The following ADGRB3 variants were observed in gnomAD, a reference collection of about 807,000 sequenced individuals.
ADGRB3 encodes the protein adhesion G protein-coupled receptor B3.
ADGRB3 carries 37 observed loss-of-function variants against 193.4 expected under a neutral mutation model. The ratio of observed to expected loss-of-function variants is 0.19; its 90% CI spans 0.15 to 0.25. ADGRB3 has a LOEUF of 0.25. ADGRB3 is among the 10% of genes least tolerant of loss of function. ADGRB3 has a pLI of 1.00. For synonymous variants in ADGRB3, 690 were observed against 644.2 expected (o/e 1.07, Z -1.08); for missense variants, 1,637 against 1,852.9 (o/e 0.88, Z 2.14).
chr6:68,717,566 G>T (rs927936130), intron 3 of ADGRB3, among the ~76,000 whole-genome samples: 2 of 151,588 alleles, frequency 1.3e-5, no homozygotes, highest in Non-Finnish European at 3.0e-5. Context: ...AAGGCAGTTG[G>T]CTCCAAGAGA....
intron 3 of ADGRB3, among the ~76,000 whole-genome samples, chr6:68,722,841 T>C (rs1029110792): frequency 6.6e-6 from 1 of 151,616 alleles, no homozygotes; most frequent in Non-Finnish European, 1.5e-5. Flanking sequence ...AATTATTATA[T>C]AGGGTAATGT....
chr6:69,322,107 A>G (rs1219601042), intron 20 of ADGRB3, among the ~76,000 whole-genome samples: 1 of 151,778 alleles, frequency 6.6e-6, no homozygotes, highest in Non-Finnish European at 1.5e-5. Flanking sequence ...AACATGCAAT[A>G]TTTGGTTTTC....
intron 17 of ADGRB3, among the ~76,000 whole-genome samples, chr6:69,211,186 A>G (rs1247029190): frequency 1.3e-5 from 2 of 152,180 alleles, no homozygotes; most frequent in African/African-American, 4.8e-5. Context: ...TTCTTAAGAA[A>G]AGGGAGAAAG....
intron 3 of ADGRB3, among the ~76,000 whole-genome samples, chr6:68,864,517 G>T (rs1285472345): frequency 8.6e-6 from 1 of 116,174 alleles, no homozygotes; most frequent in African/African-American, 2.6e-5. Context: ...GACATTCTTG[G>T]ATAGGAAGAG....
At chr6:69,056,945 T>A (rs1771561476) in intron 15 of ADGRB3, among the ~76,000 whole-genome samples, 1 of 152,100 alleles carries the variant, frequency 6.6e-6, no homozygotes, top group Admixed American at 6.5e-5. Context: ...GAATTTTATA[T>A]TTTTTTCCAT....
At chr6:69,260,640 T>C (rs1267058072) in intron 20 of ADGRB3, among the ~76,000 whole-genome samples, 2 of 152,108 alleles carry the variant, frequency 1.3e-5, no homozygotes, top group African/African-American at 4.8e-5. Flanking sequence ...GGGTGGAGTA[T>C]GAAAAGAGTT....
intron 17 of ADGRB3, among the ~76,000 whole-genome samples, chr6:69,123,468 G>A (rs965360105): frequency 6.6e-6 from 1 of 152,114 alleles, no homozygotes; most frequent in East Asian, 1.9e-4. Flanking sequence ...TGTGGATTCT[G>A]GGACTACAAC....
intron 20 of ADGRB3, among the ~76,000 whole-genome samples, chr6:69,284,468 G>A (rs1408782744): frequency 2.0e-5 from 3 of 152,116 alleles, no homozygotes; most frequent in South Asian, 4.2e-4. Context: ...ATTTAAAAGC[G>A]TTGTAAACTG....
At chr6:68,674,874 A>G (rs1412035932) in intron 3 of ADGRB3, among the ~76,000 whole-genome samples, 1 of 152,204 alleles carries the variant, frequency 6.6e-6, no homozygotes, top group Non-Finnish European at 1.5e-5. Context: ...ATGTTTTTCT[A>G]AAACTGTATT....
At chr6:68,796,272 T>A (rs566167103) in intron 3 of ADGRB3, among the ~76,000 whole-genome samples, 2 of 152,286 alleles carry the variant, frequency 1.3e-5, no homozygotes, top group African/African-American at 4.8e-5. Context: ...TCAACATATT[T>A]TTTTATATAC....
chr6:69,368,439 G>A (rs1034229937), intron 29 of ADGRB3, among the ~76,000 whole-genome samples: 1 of 152,098 alleles, frequency 6.6e-6, no homozygotes, highest in African/African-American at 2.4e-5. Flanking sequence ...TGTGGAAAAC[G>A]AGGGACAGAA....
intron 3 of ADGRB3, among the ~76,000 whole-genome samples, chr6:68,670,910 T>C (rs1223447735): frequency 6.6e-6 from 1 of 152,056 alleles, no homozygotes; most frequent in Non-Finnish European, 1.5e-5. Flanking sequence ...TTTTTCAATT[T>C]TTTTGGTGTC....
Position 68,639,448 on chromosome 6 carries a change from AG to A in ADGRB3, c.757+20del, listed in dbSNP as rs776208467. 1 of 1,583,684 alleles carries A rather than the reference AG, an allele frequency of 6.3e-7. No individual in the cohort carries two copies. The highest frequency in any genetic ancestry group is 8.6e-7 in the Non-Finnish European group (1 of 1,165,462). On this transcript the variant is annotated intron_variant, in intron 3 of 31. Transcript: ENST00000370598. ...CCCAAAGAAGGTAAGTGCCAAAGAGAGGGGAAGGTGAGCGGGGGAGCACTTT... is the reference window on the plus strand; with the variant it reads ...CCCAAAGAAGGTAAGTGCCAAAGAGAGGGAAGGTGAGCGGGGGAGCACTTT...
At chr6:69,113,339 A>G (rs1362484434) in intron 17 of ADGRB3, among the ~76,000 whole-genome samples, 1 of 151,722 alleles carries the variant, frequency 6.6e-6, no homozygotes, top group Non-Finnish European at 1.5e-5. Flanking sequence ...TGTATCACAC[A>G]TATTTATATG....
intron 3 of ADGRB3, among the ~76,000 whole-genome samples, chr6:68,787,519 G>T (rs1195585249): frequency 6.6e-6 from 1 of 152,124 alleles, no homozygotes; most frequent in Non-Finnish European, 1.5e-5. Flanking sequence ...TAATCATGGT[G>T]GATAAGCTTT....
At chr6:69,174,507 G>C (rs1775372467) in intron 17 of ADGRB3, among the ~76,000 whole-genome samples, 1 of 152,160 alleles carries the variant, frequency 6.6e-6, no homozygotes, top group East Asian at 1.9e-4. Context: ...CTGTTAATGG[G>C]ACCTGGGTTG....
At chr6:68,908,242 GTTTC>G (rs1475701860) in intron 3 of ADGRB3, among the ~76,000 whole-genome samples, 1 of 151,842 alleles carries the variant, frequency 6.6e-6, no homozygotes, top group Non-Finnish European at 1.5e-5. Flanking sequence ...CAATTCTAAG[GTTTC>G]TTTTTTTCTA....
At chr6:68,806,092 A>T (rs997675406) in intron 3 of ADGRB3, among the ~76,000 whole-genome samples, 1 of 152,222 alleles carries the variant, frequency 6.6e-6, no homozygotes, top group Non-Finnish European at 1.5e-5. Flanking sequence ...CATTTACCAG[A>T]TGTTTAGAAA....
At chr6:69,203,206 T>A (rs1765467957) in intron 17 of ADGRB3, among the ~76,000 whole-genome samples, 1 of 152,142 alleles carries the variant, frequency 6.6e-6, no homozygotes, top group Non-Finnish European at 1.5e-5. Flanking sequence ...CAGTTTTAAA[T>A]CATACCTTAA....
Sources: allele counts gnomAD v4.1 joint callset (sites outside exome capture counted in the v4.1 genomes callset), GRCh38; gene constraint gnomAD v4.1.1; transcripts MANE v1.5; gene names NCBI Gene and HGNC (gene_info 2026-07-23, HGNC 2026-07-21).